Variants in HSPA12A observed in about 807,000 individuals in gnomAD.
HSPA12A encodes the protein heat shock 70 kDa protein 12A.
In HSPA12A, 28 loss-of-function variants were observed where a neutral mutation model predicts 69.2. The ratio of observed to expected loss-of-function variants is 0.40; its 90% confidence interval spans 0.30 to 0.55. The LOEUF is 0.55. HSPA12A is among the 20% of genes least tolerant of loss of function. HSPA12A has a pLI of 0.38. For missense variants in HSPA12A, 686 were observed against 900.7 expected (o/e 0.76, Z 3.05); for synonymous variants, 345 against 370.5 (o/e 0.93, Z 0.79).
intron 1 of HSPA12A, among the ~76,000 whole-genome samples, chr10:116,733,378 C>T (rs1554886071): frequency 6.6e-6 from 1 of 152,204 alleles, no homozygotes; most frequent in Non-Finnish European, 1.5e-5. Flanking sequence ...GCTTCCCTGT[C>T]CCAAACAGAA....
intron 2 of HSPA12A, among the ~76,000 whole-genome samples, chr10:116,822,757 G>C (rs958427830): frequency 4.6e-5 from 7 of 152,176 alleles, no homozygotes; most frequent in Non-Finnish European, 7.4e-5. Context: ...CATGTTTATT[G>C]CATTCGTGGA....
At chr10:116,755,741 G>C (rs1267535439) in intron 2 of HSPA12A, among the ~76,000 whole-genome samples, 1 of 151,442 alleles carries the variant, frequency 6.6e-6, no homozygotes. Context: ...GCCAAGACAG[G>C]CGAATGGCAT....
At chr10:116,716,465 T>C (rs1638429) in intron 1 of HSPA12A, among the ~76,000 whole-genome samples, 6 of 148,114 alleles carry the variant, frequency 4.1e-5, no homozygotes, top group East Asian at 2.1e-4. Context: ...GGGTGGGGGG[T>C]GTGTATGTGT....
intron 2 of HSPA12A, among the ~76,000 whole-genome samples, chr10:116,785,993 C>T (rs1046362976): frequency 1.3e-5 from 2 of 152,198 alleles, no homozygotes; most frequent in African/African-American, 4.8e-5. Context: ...GACATCCCGA[C>T]TCCTGCACCC....
chr10:116,714,733 C>A (rs1386860452), intron 1 of HSPA12A, among the ~76,000 whole-genome samples: 4 of 152,218 alleles, frequency 2.6e-5, no homozygotes, highest in Admixed American at 2.0e-4. Context: ...GTCCACCCCA[C>A]CTTCCTCTGC....
chr10:116,745,535 C>T (rs1432217803), upstream of HSPA12A, among the ~76,000 whole-genome samples: 2 of 152,206 alleles, frequency 1.3e-5, no homozygotes, highest in Admixed American at 6.5e-5. Context: ...TTACACATCT[C>T]GGTTGGATAC....
chr10:116,680,148 C>T (rs1175498924), intron 9 of HSPA12A, among the ~76,000 whole-genome samples: 1 of 152,002 alleles, frequency 6.6e-6, no homozygotes, highest in Admixed American at 6.6e-5. Flanking sequence ...CACCACCATG[C>T]CCGGCTAATT....
At chr10:116,846,333 T>C (rs531603097) in intron 1 of HSPA12A, among the ~76,000 whole-genome samples, 3 of 146,732 alleles carry the variant, frequency 2.0e-5, no homozygotes, top group Non-Finnish European at 4.5e-5. Flanking sequence ...TTTCTTTTCT[T>C]TTTTTTTTTT....
At chr10:116,684,790 T>C (rs550298853) in intron 6 of HSPA12A, among the ~76,000 whole-genome samples, 3 of 152,334 alleles carry the variant, frequency 2.0e-5, no homozygotes, top group African/African-American at 7.2e-5. Context: ...TGCAAACATT[T>C]GGGGCCTTGG....
At chr10:116,843,036 T>C (rs1370480580) in intron 1 of HSPA12A, among the ~76,000 whole-genome samples, 1 of 152,236 alleles carries the variant, frequency 6.6e-6, no homozygotes, top group Non-Finnish European at 1.5e-5. Context: ...CTGCCAGCAG[T>C]AGCATCTTCA....
At position 116,698,476 on chromosome 10, in the gene HSPA12A, G is replaced by A. The variant is rs538053649; in HGVS notation, c.546+159C>T. 466 of 514,220 alleles carry A rather than the reference G, an allele frequency of 9.1e-4. 1 individual carries two copies. The highest frequency in any genetic ancestry group is 6.0e-3 in the African/African-American group (320 of 53,108). 31.9% of individuals were successfully genotyped at this position (514,220 alleles called of 1,614,324 possible). A position where few individuals can be genotyped will look rare whatever the true frequency, so the allele number is the denominator to read the frequency against. On this transcript the variant is annotated intron_variant, in intron 5 of 11. Transcript: ENST00000369209. ...ACCATTTTACTTTCCCACCAGCAGC[G>A]TGTGAGGGTTCATCCTGTTGTGTTG...
In HSPA12A at chr10:116,703,193, C is replaced by T. The variant is rs1397928441; in HGVS notation, c.254+1958G>A. Among the ~76,000 whole-genome samples, 8 of 152,240 alleles carry T rather than the reference C, an allele frequency of 5.3e-5. No homozygotes were observed. The East Asian group carries it at 5.8e-4, about 11-fold the overall frequency. On this transcript the variant is annotated intron_variant, in intron 3 of 11. Coordinates refer to ENST00000369209, the MANE Select transcript of HSPA12A (RefSeq NM_025015.3). The stretch of plus-strand genomic sequence containing the variant: ...CTGTCAACAGAGTTGGCTATAGAAC[C>T]GGCTTTTCATCATTTCCTGATGACA...
rs142812349 is a variant in HSPA12A, at chr10:116,846,101, C to T, written c.3+3465G>A. Among the ~76,000 whole-genome samples, 406 of 152,248 alleles carry T rather than the reference C, an allele frequency of 2.7e-3. 1 individual carries two copies. The highest frequency in any genetic ancestry group is 6.8e-3 in the Middle Eastern group (2 of 294). ...CCAGTGCCTAGAACAGCATCTGGCA[C>T]GTGGTGGCATTCAATATTTGTTGAT... On this transcript the variant is annotated intron_variant, in intron 1 of 12. Transcript: ENST00000635765.
intron 1 of HSPA12A, among the ~76,000 whole-genome samples, chr10:116,718,042 C>A (rs564025494): frequency 2.3e-4 from 35 of 152,304 alleles, no homozygotes; most frequent in Non-Finnish European, 1.0e-4. Context: ...CAGGGAAGCT[C>A]AGTCTCCATT....
intron 1 of HSPA12A, among the ~76,000 whole-genome samples, chr10:116,713,573 G>A (rs555221836): frequency 3.9e-5 from 6 of 152,144 alleles, no homozygotes; most frequent in East Asian, 1.9e-4. Flanking sequence ...ATGAAATGTC[G>A]CAGGGAGAGC....
chr10:116,813,010 T>G (rs1681748), intron 2 of HSPA12A, among the ~76,000 whole-genome samples: 32 of 151,788 alleles, frequency 2.1e-4, no homozygotes, highest in Non-Finnish European at 1.5e-5. Context: ...AGGAAACTTT[T>G]GAAAAGCAGT....
intron 1 of HSPA12A, among the ~76,000 whole-genome samples, chr10:116,740,744 C>A (rs1851473852): frequency 6.7e-6 from 1 of 149,634 alleles, no homozygotes; most frequent in Admixed American, 6.7e-5. Context: ...ATTTACAAGA[C>A]AAAACAGTGT....
chr10:116,710,469 T>G lies in HSPA12A; in HGVS notation c.41-3184A>C, dbSNP rs1283320117. 2.6e-5 allele frequency among the ~76,000 whole-genome samples: 4 copies of G among 152,144 alleles called. No homozygotes were observed. Among genetic ancestry groups the G allele is most frequent in the Non-Finnish European group, 5.9e-5 (4 of 68,022 alleles). ...AAGGTTGAGCCACACATGGAACACA[T>G]GTCTTGGGTCCCCAGGGGACTCTAG... is the stretch of plus-strand genomic sequence containing the variant. On this transcript the variant is annotated intron_variant, in intron 1 of 11. Coordinates refer to ENST00000369209, the MANE Select transcript of HSPA12A (RefSeq NM_025015.3). The surrounding 1 kb of genome is among the most constrained non-coding windows in gnomAD (Gnocchi z 4.1).
intron 2 of HSPA12A, among the ~76,000 whole-genome samples, chr10:116,771,659 C>A (rs888894123): frequency 2.0e-5 from 3 of 152,222 alleles, no homozygotes; most frequent in Admixed American, 6.5e-5. Context: ...GCATGTTTAC[C>A]AGGAGCCCAG....
Sources: gnomAD v4.1 joint callset for allele counts (sites outside exome capture counted in the v4.1 genomes callset) on GRCh38, gnomAD v4.1.1 for gene constraint, Gnocchi (gnomAD v3.1) non-coding constraint, MANE v1.5 for transcripts, NCBI Gene and HGNC (gene_info 2026-07-23, HGNC 2026-07-21) for gene names.